The following NFIA variants were observed in gnomAD, a reference collection of about 807,000 sequenced individuals.
NFIA encodes the protein nuclear factor 1 A-type.
A neutral mutation model predicts 62.8 loss-of-function variants in NFIA; 8 were observed. That is an observed-to-expected ratio of 0.13 (90% confidence interval 0.07 to 0.23). The LOEUF (loss-of-function observed/expected upper bound fraction) is 0.23, where lower values mean the gene tolerates loss of function less well. Ranked by LOEUF, NFIA falls within the 10% of genes least tolerant of loss-of-function variation. The probability of loss-of-function intolerance (pLI) is 1.00; values close to 1 mark genes in which losing one functional copy is unlikely to be tolerated. For synonymous variants in NFIA, 235 were observed against 238.1 expected, an observed-to-expected ratio of 0.99 and a Z score of 0.12; for missense variants, 410 against 642.1, an observed-to-expected ratio of 0.64 and a Z score of 3.91.
intron 2 of NFIA, among the ~76,000 whole-genome samples, chr1:61,176,735 T>A (rs1015555554): frequency 1.3e-5 from 2 of 152,166 alleles, no homozygotes; most frequent in Admixed American, 1.3e-4. Context: ...AATTTTTTTT[T>A]CTATGCTTGT....
chr1:61,453,268 G>C (rs933312524), intron 10 of NFIA, among the ~76,000 whole-genome samples: 4 of 151,886 alleles, frequency 2.6e-5, no homozygotes, highest in African/African-American at 9.7e-5. Flanking sequence ...CTGTCTGGTT[G>C]CTCTTAGCAA....
At position 61,371,837 on chromosome 1, in the gene NFIA, A is replaced by G. The variant is rs114426965; in HGVS notation, c.947-11400A>G. Among the ~76,000 whole-genome samples the G allele has an allele frequency of 4.6e-3, 701 of 152,278 alleles. 3 individuals carry two copies. The highest frequency in any genetic ancestry group is 0.016 in the African/African-American group (657 of 41,568). On this transcript the variant is annotated intron_variant, in intron 6 of 10. Coordinates refer to ENST00000403491, the MANE Select transcript of NFIA (RefSeq NM_001134673.4). ...CCTTTGGTTTGGGTGTAGCCAGCCT[A>G]GTTGTAGTGCCCAATGTGGTTTGCT...
rs112135811 is a variant in NFIA at position 61,461,155 on chromosome 1, CAG to C, written c.*5836_*5837del. On this transcript the variant is annotated 3_prime_UTR_variant, in exon 11 of 11. Transcript: ENST00000403491. ...AGACACTCTGAGAACATTTGCAAGT[CAG>C]GGGCATTTTCCTTGACCCTTGACTG... The C allele has an allele frequency of 2.0e-5, 3 of 152,136 alleles. No individual in the cohort carries two copies. The highest frequency in any genetic ancestry group is 7.2e-5 in the African/African-American group (3 of 41,424). The allele number at this position is 152,136 out of a possible 1,614,324, so 9.4% of individuals were successfully genotyped here. A position where few individuals can be genotyped will look rare whatever the true frequency, so the allele number is the denominator to read the frequency against.
Position 61,289,444 on chromosome 1 carries a change from A to G in NFIA, c.625+11859A>G, listed in dbSNP as rs143291082. On this transcript the variant is annotated intron_variant, in intron 3 of 10. Transcript: ENST00000403491. ...TAGGAAACTGAGACACAAAGAATTT[A>G]AGTAGCTTGTCCTACAGTCAAGAAG... Among the ~76,000 whole-genome samples the G allele has an allele frequency of 6.4e-3, 969 of 152,292 alleles. 15 individuals are homozygous for G. Among genetic ancestry groups the G allele is most frequent in the Non-Finnish European group, 6.8e-3 (460 of 68,026 alleles).
chr1:61,366,827 G>A (rs6662305), intron 6 of NFIA, among the ~76,000 whole-genome samples: 126,137 of 152,090 alleles, frequency 0.83, 52,430 homozygotes, highest in East Asian at 0.95. Context: ...GGAGGCTGAG[G>A]CAGGAGAATC....
chr1:61,390,047 G>A (rs1163179088), intron 7 of NFIA, among the ~76,000 whole-genome samples: 6 of 152,150 alleles, frequency 3.9e-5, no homozygotes, highest in African/African-American at 9.7e-5. Context: ...CCTGGAGGAC[G>A]AGAGGACAAG....
intron 2 of NFIA, among the ~76,000 whole-genome samples, chr1:61,238,339 G>GA (rs1553164227): frequency 1.3e-5 from 2 of 152,128 alleles, no homozygotes; most frequent in Non-Finnish European, 2.9e-5. Context: ...AAATGGTTTC[G>GA]AATATGATTG....
rs769193097 is a variant in NFIA, at chr1:61,404,187, G to A, written c.1159G>A (p.Ala387Thr). The A allele has an allele frequency of 6.2e-7, 1 of 1,614,152 alleles. No homozygotes were observed. Among genetic ancestry groups the A allele is most frequent in the Non-Finnish European group, 8.5e-7 (1 of 1,180,022 alleles). The change falls in exon 8 of 11, where the codon GCC (alanine) becomes ACC (threonine). Residue 387 changes from alanine (A) to threonine (T), a missense_variant. Coordinates refer to ENST00000403491, the MANE Select transcript of NFIA (RefSeq NM_001134673.4). Reference protein sequence around the residue: ...QQPGPYFSHPAIRYHPQETLK... With the variant: ...QQPGPYFSHPTIRYHPQETLK... ...GCCTGGGCCTTACTTCTCACACCCA[G>A]CCATCCGCTATCACCCTCAGGAGAC...
intron 8 of NFIA, among the ~76,000 whole-genome samples, chr1:61,405,192 C>T (rs1665757079): frequency 6.6e-6 from 1 of 152,228 alleles, no homozygotes; most frequent in Non-Finnish European, 1.5e-5. Flanking sequence ...TGCGCCAGAA[C>T]AGGCAGCTTT....
intron 2 of NFIA, among the ~76,000 whole-genome samples, chr1:61,247,644 C>T (rs146693047): frequency 3.2e-4 from 49 of 152,232 alleles, no homozygotes; most frequent in African/African-American, 1.1e-3. Context: ...GGGATGCCCT[C>T]GGGCCGTTGC....
intron 9 of NFIA, among the ~76,000 whole-genome samples, chr1:61,417,289 G>GTGTA (rs1280396273): frequency 6.8e-6 from 1 of 146,774 alleles, no homozygotes; most frequent in African/African-American, 2.5e-5. Context: ...GTGTGTGTGT[G>GTGTA]TATACACATA....
intron 3 of NFIA, among the ~76,000 whole-genome samples, chr1:61,278,848 A>G (rs1336013789): frequency 6.6e-6 from 1 of 152,112 alleles, no homozygotes; most frequent in Admixed American, 6.6e-5. Flanking sequence ...TGCCTCTCCT[A>G]TTTCTTACCT....
At chr1:61,451,948 C>A (rs1460782061) in intron 10 of NFIA, among the ~76,000 whole-genome samples, 1 of 152,140 alleles carries the variant, frequency 6.6e-6, no homozygotes, top group Non-Finnish European at 1.5e-5. Flanking sequence ...CTGCTCAACC[C>A]CAACGATCGA....
chr1:61,418,122 A>G (rs1338051168), intron 9 of NFIA, among the ~76,000 whole-genome samples: 1 of 152,110 alleles, frequency 6.6e-6, no homozygotes. Flanking sequence ...TTTAGGTTCC[A>G]TTTGTGTTTT....
At chr1:61,330,411 A>T (rs902268799) in intron 3 of NFIA, among the ~76,000 whole-genome samples, 1 of 149,342 alleles carries the variant, frequency 6.7e-6, no homozygotes, top group Non-Finnish European at 1.5e-5. Flanking sequence ...ATGGAGGTAG[A>T]TAAAATAACT....
chr1:61,334,600 TA>T, intron 4 of NFIA, among the ~76,000 whole-genome samples: 1 of 102,528 alleles, frequency 9.8e-6, no homozygotes, highest in Non-Finnish European at 1.9e-5. Context: ...TATATATATA[TA>T]TATATATATA....
At chr1:61,166,022 G>C (rs1649541826) in intron 2 of NFIA, among the ~76,000 whole-genome samples, 1 of 152,152 alleles carries the variant, frequency 6.6e-6, no homozygotes, top group East Asian at 1.9e-4. Context: ...AGGGTATATA[G>C]ATATGAGAAC....
chr1:61,341,058 T>G (rs1661874265), intron 4 of NFIA, among the ~76,000 whole-genome samples: 1 of 135,648 alleles, frequency 7.4e-6, no homozygotes. Context: ...TGTACCGGCA[T>G]TCTTTTTTTT....
At chr1:61,122,188 G>A (rs1646898003) in intron 2 of NFIA, among the ~76,000 whole-genome samples, 1 of 152,118 alleles carries the variant, frequency 6.6e-6, no homozygotes, top group South Asian at 2.1e-4. Context: ...CCACGAATGG[G>A]AACATACTGT....
Sources: gnomAD v4.1 joint callset for allele counts (sites outside exome capture counted in the v4.1 genomes callset) on GRCh38, gnomAD v4.1.1 for gene constraint, MANE v1.5 for transcripts, NCBI Gene and HGNC (gene_info 2026-07-23, HGNC 2026-07-21) for gene names.